RYR2: variants seen among roughly 807,000 people sequenced by gnomAD.
RYR2 encodes the protein ryanodine receptor 2.
In RYR2, 227 loss-of-function variants were observed where a neutral mutation model predicts 601.1. The ratio of observed to expected loss-of-function variants is 0.38; its 90% CI spans 0.34 to 0.42. RYR2 has a LOEUF of 0.42. Among genes scored for constraint, RYR2 ranks in the 10% least tolerant of loss-of-function variants. The pLI, the probability that RYR2 is intolerant of heterozygous loss-of-function variation, is 1.00. For missense variants in RYR2, 4,646 were observed against 6,156.5 expected (o/e 0.75, Z 8.21); for synonymous variants, 2,223 against 2,175.1 (o/e 1.02, Z -0.61).
At chr1:237,697,589 T>A in intron 63 of RYR2, among the ~76,000 whole-genome samples, 1 of 148,658 alleles carries the variant, frequency 6.7e-6, no homozygotes, top group Admixed American at 6.8e-5. Flanking sequence ...GCTGATATTT[T>A]GCTAAATGAT....
At chr1:237,806,095 C>CT in intron 98 of RYR2, 42 bp from the exon 99 acceptor site, 1 of 1,585,184 alleles carries the variant, frequency 6.3e-7, no homozygotes, top group Non-Finnish European at 8.7e-7. Flanking sequence ...GTCATGCGTT[C>CT]TGTTTTCTGA....
At chr1:237,422,525 A>C (rs1705699322) in intron 11 of RYR2, among the ~76,000 whole-genome samples, 1 of 152,122 alleles carries the variant, frequency 6.6e-6, no homozygotes, top group East Asian at 1.9e-4. Context: ...CTAATAATAT[A>C]ATTGTTCCAC....
intron 2 of RYR2, among the ~76,000 whole-genome samples, chr1:237,308,776 G>C (rs1694193193): frequency 6.6e-6 from 1 of 152,220 alleles, no homozygotes; most frequent in Admixed American, 6.5e-5. Context: ...CTACACCGTG[G>C]AAAGGGACCT....
chr1:237,045,820 T>C (rs1012277575), intron 1 of RYR2, among the ~76,000 whole-genome samples: 9 of 150,270 alleles, frequency 6.0e-5, no homozygotes, highest in African/African-American at 1.9e-4. Flanking sequence ...TTATAGAAGA[T>C]ATTCCTCTGA....
intron 34 of RYR2, among the ~76,000 whole-genome samples, chr1:237,599,546 C>T (rs577687983): frequency 6.6e-5 from 10 of 152,006 alleles, no homozygotes; most frequent in South Asian, 6.2e-4. Context: ...ATCGGCTGGG[C>T]GCAGTGACTC....
chr1:237,683,468 G>A (rs1006863292), intron 62 of RYR2, among the ~76,000 whole-genome samples: 3 of 152,162 alleles, frequency 2.0e-5, no homozygotes, highest in Non-Finnish European at 4.4e-5. Context: ...CACCTTGGGT[G>A]GATATAGAGG....
chr1:237,055,261 C>A (rs1330101480), intron 1 of RYR2, among the ~76,000 whole-genome samples: 1 of 152,058 alleles, frequency 6.6e-6, no homozygotes, highest in Non-Finnish European at 1.5e-5. Flanking sequence ...AGACCAGGGT[C>A]AGGGATTTGT....
intron 25 of RYR2, among the ~76,000 whole-genome samples, chr1:237,540,412 T>TA (rs1405701412): frequency 1.3e-5 from 2 of 152,122 alleles, no homozygotes; most frequent in African/African-American, 4.8e-5. Context: ...CTTGAGTGTT[T>TA]AAAAGCCTAT....
At chr1:237,073,744 A>T (rs1449310216) in intron 1 of RYR2, among the ~76,000 whole-genome samples, 1 of 151,564 alleles carries the variant, frequency 6.6e-6, no homozygotes, top group Admixed American at 6.6e-5. Context: ...TGTGGCATGC[A>T]CCTGTAGTCC....
At chr1:237,678,227 C>T (rs1005748946) in intron 61 of RYR2, 115 bp downstream of exon 61, 20 of 617,458 alleles carry the variant, frequency 3.2e-5, no homozygotes, top group East Asian at 2.0e-4. Flanking sequence ...TTTTACTGCA[C>T]GTAAATATTC....
At chr1:237,711,304 C>T (rs1199783237) in intron 70 of RYR2, among the ~76,000 whole-genome samples, 2 of 151,884 alleles carry the variant, frequency 1.3e-5, no homozygotes, top group Non-Finnish European at 2.9e-5. Context: ...TTTTATGTTC[C>T]CAAATTAAAA....
At chr1:237,566,425 A>G in intron 27 of RYR2, 142 bp from the exon 28 acceptor site, 1 of 853,946 alleles carries the variant, frequency 1.2e-6, no homozygotes, top group Non-Finnish European at 1.8e-6. Flanking sequence ...GGGAAAGAAG[A>G]TAAGAAGGTA....
Position 237,707,193 on chromosome 1 carries a change from A to G in RYR2, c.9825A>G (p.Thr3275=). The change falls in exon 68 of 105, where the codon ACA becomes ACG. Residue 3275 remains threonine (T), a synonymous_variant. Coordinates refer to ENST00000366574, the MANE Select transcript of RYR2 (RefSeq NM_001035.3). ...CCCTGAACTCAGAGCACATGAACAC[A>G]CTTCTAGGGAACATATTGAAAATCA... is the stretch of plus-strand genomic sequence containing the variant. ...CTALNSEHMN[T]LLGNILKIIY... 6.2e-7 allele frequency: 1 copy of G among 1,605,228 alleles called. No homozygotes were observed. The highest frequency in any genetic ancestry group is 1.1e-5 in the South Asian group (1 of 90,628).
At chr1:237,541,089 A>G (rs1572791332) in intron 25 of RYR2, among the ~76,000 whole-genome samples, 1 of 152,358 alleles carries the variant, frequency 6.6e-6, no homozygotes, top group East Asian at 1.9e-4. Flanking sequence ...TTAGAAATAC[A>G]GTTGGATTTT....
intron 92 of RYR2, 60 bp downstream of exon 92, chr1:237,788,195 C>G: frequency 7.2e-7 from 1 of 1,397,112 alleles, no homozygotes; most frequent in Non-Finnish European, 9.8e-7. Flanking sequence ...ATAATTTAGG[C>G]TCAGTAAATG....
intron 60 of RYR2, among the ~76,000 whole-genome samples, chr1:237,675,764 G>A (rs1308843850): frequency 6.6e-6 from 1 of 151,948 alleles, no homozygotes; most frequent in Non-Finnish European, 1.5e-5. Context: ...TTAGAGCTCT[G>A]GTATTTTCTT....
rs1678551524 is a variant in RYR2, at chr1:237,180,285, G to A, written c.49-90212G>A. On this transcript the variant is annotated intron_variant, in intron 1 of 104. Transcript: ENST00000366574. This position sits in a 1 kb window ranked among gnomAD's most constrained non-coding sequence, Gnocchi z 5.3. ...GAATGACAAGGGAAGATTCCACGCTGCCTATCCCTAGCCCTCAGAGCTTGC... is the reference window on the plus strand; with the variant it reads ...GAATGACAAGGGAAGATTCCACGCTACCTATCCCTAGCCCTCAGAGCTTGC... Among the ~76,000 whole-genome samples the A allele has an allele frequency of 6.6e-6, 1 of 152,158 alleles. No individual in the cohort carries two copies. The highest frequency in any genetic ancestry group is 1.5e-5 in the Non-Finnish European group (1 of 68,042).
intron 1 of RYR2, among the ~76,000 whole-genome samples, chr1:237,118,535 G>A (rs540258345): frequency 1.3e-4 from 20 of 152,070 alleles, no homozygotes; most frequent in African/African-American, 4.1e-4. Flanking sequence ...CAGAGACAAC[G>A]GTAGAATGGT....
chr1:237,166,399 C>T (rs1258916681), intron 1 of RYR2, among the ~76,000 whole-genome samples: 1 of 152,208 alleles, frequency 6.6e-6, no homozygotes, highest in Non-Finnish European at 1.5e-5. Context: ...AACATTTGTA[C>T]ACATGGATGG....
Sources: allele counts gnomAD v4.1 joint callset (sites outside exome capture counted in the v4.1 genomes callset), GRCh38; gene constraint gnomAD v4.1.1; non-coding constraint Gnocchi (gnomAD v3.1); transcripts MANE v1.5; gene names NCBI Gene and HGNC (gene_info 2026-07-23, HGNC 2026-07-21).